The following SCFD2 variants were observed in gnomAD, a reference collection of about 807,000 sequenced individuals.
The protein encoded by SCFD2 is sec1 family domain containing 2, also known as sec1 family domain-containing protein 2.
Under a neutral mutation model 58.9 loss-of-function variants are expected in SCFD2, and 54 were observed. That is an observed-to-expected ratio of 0.92 (90% CI 0.74 to 1.15). The LOEUF is 1.15. SCFD2 is among the 50% of genes most tolerant of loss of function. SCFD2 has a pLI of 0.00. For missense variants in SCFD2, 805 were observed against 836.6 expected (o/e 0.96, Z 0.47); for synonymous variants, 321 against 335.9 (o/e 0.96, Z 0.49).
At chr4:53,315,267 T>G (rs1732825979) in intron 2 of SCFD2, among the ~76,000 whole-genome samples, 1 of 144,708 alleles carries the variant, frequency 6.9e-6, no homozygotes, top group African/African-American at 2.6e-5. Flanking sequence ...AAAAAAAGCC[T>G]TCAAGAAAGA....
chr4:53,061,169 T>G (rs895105788), intron 5 of SCFD2, among the ~76,000 whole-genome samples: 2 of 152,136 alleles, frequency 1.3e-5, no homozygotes, highest in African/African-American at 4.8e-5. Flanking sequence ...AAACATCAGG[T>G]CTTTCTTGAG....
At chr4:53,115,035 A>C (rs1293774386) in intron 5 of SCFD2, among the ~76,000 whole-genome samples, 1 of 152,122 alleles carries the variant, frequency 6.6e-6, no homozygotes, top group African/African-American at 2.4e-5. Context: ...AAAAATGTTT[A>C]AATAACCCCA....
chr4:53,124,684 G>C (rs6832999), intron 5 of SCFD2, among the ~76,000 whole-genome samples: 1 of 152,148 alleles, frequency 6.6e-6, no homozygotes, highest in Non-Finnish European at 1.5e-5. Context: ...TAACATCCTA[G>C]AACCAGGTCT....
At chr4:53,229,569 T>G (rs1349303326) in intron 4 of SCFD2, among the ~76,000 whole-genome samples, 2 of 152,222 alleles carry the variant, frequency 1.3e-5, no homozygotes, top group Admixed American at 1.3e-4. Flanking sequence ...GCTGGCCATA[T>G]CTAGAGAACT....
intron 5 of SCFD2, among the ~76,000 whole-genome samples, chr4:53,071,632 T>C (rs10008751): frequency 0.98 from 148,707 of 152,148 alleles, 72,760 homozygotes; most frequent in Middle Eastern, 1. Flanking sequence ...CAAAAGTTAA[T>C]AATGCAGTAA....
At chr4:53,199,828 T>TA (rs1024591900) in intron 4 of SCFD2, among the ~76,000 whole-genome samples, 12 of 152,100 alleles carry the variant, frequency 7.9e-5, no homozygotes, top group Non-Finnish European at 1.2e-4. Context: ...GCTGGAAGTT[T>TA]GACATCAGGG....
intron 5 of SCFD2, among the ~76,000 whole-genome samples, chr4:53,041,686 A>G (rs1320197680): frequency 6.6e-6 from 1 of 152,176 alleles, no homozygotes; most frequent in African/African-American, 2.4e-5. Context: ...CACCTTGTAC[A>G]TGTGGTTTAA....
chr4:53,208,812 T>C (rs1484382628), intron 4 of SCFD2, among the ~76,000 whole-genome samples: 1 of 152,188 alleles, frequency 6.6e-6, no homozygotes, highest in East Asian at 1.9e-4. Context: ...AAGTGAGCAA[T>C]GTTACTGTGA....
rs564286647 is a variant in SCFD2 at position 53,238,020 on chromosome 4, C to T, written c.1311+35806G>A. ...GGCAGGGGGCTGATCCCCCCACCTC[C>T]CTCCAAGATGGGGTGGCTGGCCGGG... On this transcript the variant is annotated intron_variant, in intron 4 of 8. Coordinates refer to ENST00000401642, the MANE Select transcript of SCFD2 (RefSeq NM_152540.4). Among the ~76,000 whole-genome samples the T allele has an allele frequency of 6.4e-3, 898 of 139,994 alleles. 9 individuals are homozygous for T. The highest frequency in any genetic ancestry group is 0.023 in the African/African-American group (845 of 36,734). 91.8% of individuals were successfully genotyped at this position (139,994 alleles called of 152,430 possible). A position where few individuals can be genotyped will look rare whatever the true frequency, so the allele number is the denominator to read the frequency against.
At chr4:53,074,665 C>T (rs538774440) in intron 5 of SCFD2, among the ~76,000 whole-genome samples, 12 of 152,246 alleles carry the variant, frequency 7.9e-5, no homozygotes, top group Admixed American at 5.9e-4. Context: ...TCTCCTTGTA[C>T]ATCTCTGTCA....
At position 53,229,512 on chromosome 4, in the gene SCFD2, C is replaced by A. The variant is rs186991824; in HGVS notation, c.1311+44314G>T. On this transcript the variant is annotated intron_variant, in intron 4 of 8. Coordinates refer to ENST00000401642, the MANE Select transcript of SCFD2 (RefSeq NM_152540.4). ...CTTTGACAAACCTGACAAAAACAAG[C>A]AATGGGGAAAGGATTCCCTATTTAA... Among the ~76,000 whole-genome samples, 419 of 152,286 alleles carry A rather than the reference C, an allele frequency of 2.8e-3. 14 individuals are homozygous for A. The East Asian group carries it at 0.07, about 25-fold the overall frequency.
intron 5 of SCFD2, among the ~76,000 whole-genome samples, chr4:52,937,255 GGGC>G (rs897386010): frequency 2.6e-5 from 4 of 152,214 alleles, no homozygotes; most frequent in Admixed American, 2.6e-4. Flanking sequence ...AAGAGCAAGG[GGGC>G]CAAGTGGCTG....
intron 4 of SCFD2, among the ~76,000 whole-genome samples, chr4:53,221,728 T>C (rs1277101232): frequency 6.6e-6 from 1 of 152,194 alleles, no homozygotes; most frequent in African/African-American, 2.4e-5. Flanking sequence ...TAAAATGTCA[T>C]TGACAGGAGA....
chr4:53,211,241 G>GAA lies in SCFD2; in HGVS notation c.1311+62583_1311+62584dup, dbSNP rs55830697. ...CTGATGACAGAGCAAGACTCCATGT[G>GAA]AAAAAAAAAAAAAAATCCAAGAGAA... On this transcript the variant is annotated intron_variant, in intron 4 of 8. Coordinates refer to ENST00000401642, the MANE Select transcript of SCFD2 (RefSeq NM_152540.4). 4.3e-3 allele frequency among the ~76,000 whole-genome samples: 605 copies of GAA among 142,032 alleles called. 3 individuals carry two copies. The highest frequency in any genetic ancestry group is 0.021 in the Middle Eastern group (6 of 280). 93.2% of individuals were successfully genotyped at this position (142,032 alleles called of 152,430 possible).
In SCFD2 at chr4:52,952,045, A is replaced by G. The variant is rs185104746; in HGVS notation, c.1562-31175T>C. Among the ~76,000 whole-genome samples, 197 of 152,282 alleles carry G rather than the reference A, an allele frequency of 1.3e-3. 4 individuals carry two copies. Among genetic ancestry groups the G allele is most frequent in the Non-Finnish European group, 3.8e-4 (26 of 68,016 alleles). ...GAGATGATGGAGTGGCAGGCCACAG[A>G]GTGATATCTGTACACGGAGACAGTA... On this transcript the variant is annotated intron_variant, in intron 5 of 8. Coordinates refer to ENST00000401642, the MANE Select transcript of SCFD2 (RefSeq NM_152540.4).
intron 3 of SCFD2, 132 bp downstream of exon 3, chr4:53,313,504 T>C: frequency 3.1e-6 from 3 of 964,270 alleles, no homozygotes; most frequent in Non-Finnish European, 4.7e-6. Flanking sequence ...ATTCCTTCCC[T>C]ATTCTTTCAA....
At chr4:53,035,021 A>G (rs918187071) in intron 5 of SCFD2, among the ~76,000 whole-genome samples, 1 of 152,210 alleles carries the variant, frequency 6.6e-6, no homozygotes, top group Non-Finnish European at 1.5e-5. Flanking sequence ...AGCCAAGACA[A>G]TTCTGGGCAA....
chr4:53,032,134 T>G (rs1190294081), intron 5 of SCFD2, among the ~76,000 whole-genome samples: 1 of 152,176 alleles, frequency 6.6e-6, no homozygotes, highest in African/African-American at 2.4e-5. Flanking sequence ...GGGCCAATAT[T>G]CAACATTCTT....
At chr4:53,072,583 G>GA (rs1165451180) in intron 5 of SCFD2, among the ~76,000 whole-genome samples, 1 of 152,000 alleles carries the variant, frequency 6.6e-6, no homozygotes, top group Non-Finnish European at 1.5e-5. Context: ...TTAGGGGGGG[G>GA]AAAGCCAGGT....
Sources: allele counts gnomAD v4.1 joint callset (sites outside exome capture counted in the v4.1 genomes callset), GRCh38; gene constraint gnomAD v4.1.1; transcripts MANE v1.5; gene names NCBI Gene and HGNC (gene_info 2026-07-23, HGNC 2026-07-21).